COG5: variants seen among roughly 807,000 people sequenced by gnomAD.
The protein encoded by COG5 is component of oligomeric golgi complex 5.
Under a neutral mutation model 110.4 loss-of-function variants are expected in COG5, and 86 were observed. The ratio of observed to expected loss-of-function variants is 0.78; its 90% CI spans 0.65 to 0.93. COG5 has a LOEUF of 0.93. Ranked by LOEUF, COG5 falls within the 40% of genes least tolerant of loss-of-function variation. The pLI, the probability that COG5 is intolerant of heterozygous loss-of-function variation, is 0.00. For missense variants in COG5, 1,077 were observed against 987.0 expected (o/e 1.09, Z -1.22); for synonymous variants, 360 against 334.6 (o/e 1.08, Z -0.83).
Position 107,563,544 on chromosome 7 carries a change from T to TTG in COG5, c.94+258_94+259insCA, listed in dbSNP as rs1491330616. ...CGAAACTTCAGGGAAGCTGGAGGCA[T>TTG]GGGGGGGGGGGGGGTCGAGTTGAAA... is the stretch of plus-strand genomic sequence containing the variant. On this transcript the variant is annotated intron_variant, in intron 1 of 21. Transcript: ENST00000297135. 1.7e-4 allele frequency: 44 copies of TTG among 256,448 alleles called. 3 individuals are homozygous for TTG. The highest frequency in any genetic ancestry group is 3.7e-4 in the East Asian group (5 of 13,682). The allele number at this position is 256,448 out of a possible 1,614,324, so 15.9% of individuals were successfully genotyped here. A position where few individuals can be genotyped will look rare whatever the true frequency, so the allele number is the denominator to read the frequency against.
At chr7:107,427,404 A>T (rs922173127) in intron 6 of COG5, among the ~76,000 whole-genome samples, 7 of 152,202 alleles carry the variant, frequency 4.6e-5, no homozygotes, top group African/African-American at 1.7e-4. Context: ...CTGCACACAC[A>T]AATTATTTCA....
At chr7:107,478,755 A>G (rs7786186) in intron 6 of COG5, among the ~76,000 whole-genome samples, 65,413 of 151,644 alleles carry the variant, frequency 0.43, 14,692 homozygotes, top group Non-Finnish European at 0.5. Flanking sequence ...AGGGGGGAAC[A>G]AATGTGTAGC....
intron 5 of COG5, among the ~76,000 whole-genome samples, chr7:107,529,127 A>G (rs974699073): frequency 6.6e-6 from 1 of 151,868 alleles, no homozygotes; most frequent in Admixed American, 6.6e-5. Flanking sequence ...TTCTGAATAG[A>G]TAATACAAGC....
intron 6 of COG5, among the ~76,000 whole-genome samples, chr7:107,522,028 C>T (rs1203303960): frequency 6.6e-6 from 1 of 152,082 alleles, no homozygotes; most frequent in Admixed American, 6.5e-5. Context: ...GAATAGAAAA[C>T]CAAACACTGC....
chr7:107,538,614 T>C (rs751142739), intron 5 of COG5, among the ~76,000 whole-genome samples: 3 of 151,926 alleles, frequency 2.0e-5, no homozygotes, highest in Non-Finnish European at 4.4e-5. Flanking sequence ...AGTACAGAAA[T>C]TAGAATCTTC....
intron 3 of COG5, among the ~76,000 whole-genome samples, chr7:107,553,050 A>G (rs1803041427): frequency 6.6e-6 from 1 of 152,178 alleles, no homozygotes; most frequent in Non-Finnish European, 1.5e-5. Context: ...TATAAGTGGG[A>G]GCTAAACATT....
Position 107,455,291 on chromosome 7 carries a change from G to A in COG5, c.539-42659C>T, listed in dbSNP as rs1266859106. On this transcript the variant is annotated intron_variant, in intron 6 of 21. Transcript: ENST00000297135. ...CCACAAAGTGGGTTTAGGCTTAAAC[G>A]AAAGGACATGCATCTATCTTCCCTC... Among the ~76,000 whole-genome samples, 6 of 152,244 alleles carry A rather than the reference G, an allele frequency of 3.9e-5. No homozygotes were observed. In the East Asian group the frequency reaches 1.2e-3, roughly 29 times the overall value.
chr7:107,557,310 A>G (rs6958969), intron 2 of COG5, among the ~76,000 whole-genome samples: 2 of 152,068 alleles, frequency 1.3e-5, no homozygotes, highest in Non-Finnish European at 2.9e-5. Context: ...TACCTACTCA[A>G]TCAAAGGCAA....
intron 17 of COG5, among the ~76,000 whole-genome samples, chr7:107,242,967 G>A (rs1801758164): frequency 6.6e-6 from 1 of 152,168 alleles, no homozygotes; most frequent in Non-Finnish European, 1.5e-5. Context: ...CATCTCATAT[G>A]TAATGACACT....
In COG5 at chr7:107,330,824, T is replaced by C. The variant is rs951060037; in HGVS notation, c.1027-6303A>G. Among the ~76,000 whole-genome samples, 30 of 71,922 alleles carry C rather than the reference T, an allele frequency of 4.2e-4. No homozygotes were observed. In the East Asian group the frequency reaches 5.8e-3, roughly 14 times the overall value. The allele number at this position is 71,922 out of a possible 152,430, so 47.2% of individuals were successfully genotyped here. ...ATCAGGATCTCTTGAGCTAGATCCC[T>C]TTTTTTTTTTTTTTTTGAGACAGAG... On this transcript the variant is annotated intron_variant, in intron 10 of 21. Coordinates refer to ENST00000297135, the MANE Select transcript of COG5 (RefSeq NM_006348.5).
At chr7:107,488,149 C>T (rs972834552) in intron 6 of COG5, among the ~76,000 whole-genome samples, 10 of 149,690 alleles carry the variant, frequency 6.7e-5, no homozygotes, top group African/African-American at 2.2e-4. Flanking sequence ...CTGATTATTC[C>T]AAGCCCATTT....
At chr7:107,267,925 A>G (rs1426946050) in intron 14 of COG5, among the ~76,000 whole-genome samples, 2 of 152,152 alleles carry the variant, frequency 1.3e-5, no homozygotes, top group African/African-American at 2.4e-5. Flanking sequence ...ATGTAATTAA[A>G]TCTATAATCT....
At chr7:107,442,104 G>C (rs1187608307) in intron 6 of COG5, among the ~76,000 whole-genome samples, 1 of 152,160 alleles carries the variant, frequency 6.6e-6, no homozygotes. Flanking sequence ...GTTGGAGGAG[G>C]GGCCTGGTGG....
intron 11 of COG5, among the ~76,000 whole-genome samples, chr7:107,319,911 T>C (rs1161092876): frequency 6.6e-6 from 1 of 152,100 alleles, no homozygotes; most frequent in Non-Finnish European, 1.5e-5. Flanking sequence ...TAGCGTGCAA[T>C]GACTGTGCCT....
At chr7:107,218,682 C>T (rs552883551) in intron 19 of COG5, among the ~76,000 whole-genome samples, 1 of 151,890 alleles carries the variant, frequency 6.6e-6, no homozygotes, top group South Asian at 2.1e-4. Context: ...TTAGGTCATA[C>T]CATATAAAAA....
chr7:107,462,917 ACCTG>A (rs1796088076), intron 6 of COG5, among the ~76,000 whole-genome samples: 4 of 152,208 alleles, frequency 2.6e-5, no homozygotes, highest in Non-Finnish European at 5.9e-5. Context: ...CTAACAGCAG[ACCTG>A]AAGGTTAGGC....
At chr7:107,424,626 A>G (rs371566481) in intron 6 of COG5, among the ~76,000 whole-genome samples, 2 of 152,128 alleles carry the variant, frequency 1.3e-5, no homozygotes, top group East Asian at 3.8e-4. Flanking sequence ...AAAAGACATC[A>G]AGAAGGATTT....
At chr7:107,517,664 C>T (rs1054753244) in intron 6 of COG5, among the ~76,000 whole-genome samples, 1 of 151,606 alleles carries the variant, frequency 6.6e-6, no homozygotes, top group South Asian at 2.1e-4. Context: ...AGAAACTCTA[C>T]AAGCCAGAAG....
At chr7:107,501,583 T>A (rs1348690187) in intron 6 of COG5, among the ~76,000 whole-genome samples, 1 of 152,136 alleles carries the variant, frequency 6.6e-6, no homozygotes, top group African/African-American at 2.4e-5. Context: ...CACTATATGA[T>A]AAAAGAATGA....
Sources: allele counts gnomAD v4.1 joint callset (sites outside exome capture counted in the v4.1 genomes callset), GRCh38; gene constraint gnomAD v4.1.1; transcripts MANE v1.5; gene names NCBI Gene and HGNC (gene_info 2026-07-23, HGNC 2026-07-21).